Variants in LRGUK observed in about 807,000 individuals in gnomAD.
LRGUK encodes the protein leucine-rich repeat and guanylate kinase domain-containing protein.
LRGUK carries 65 observed loss-of-function variants against 76.0 expected under a neutral mutation model. That is an observed-to-expected ratio of 0.85 (90% CI 0.70 to 1.05). The LOEUF is 1.05. LRGUK is among the 50% of genes least tolerant of loss of function. The probability of loss-of-function intolerance (pLI) is 0.00; values close to 1 mark genes in which losing one functional copy is unlikely to be tolerated. For synonymous variants in LRGUK, 268 were observed against 265.6 expected, an observed-to-expected ratio of 1.01 and a Z score of -0.09; for missense variants, 758 against 732.8, an observed-to-expected ratio of 1.03 and a Z score of -0.40.
At chr7:134,163,524 A>G in exon 7 of LRGUK, 1 of 1,612,492 alleles carries the variant, frequency 6.2e-7, no homozygotes, top group South Asian at 1.1e-5. Context: ...GAAGTGATCA[A>G]CCTGGAGGAT....
chr7:134,239,738 G>A (rs986360789), intron 16 of LRGUK, among the ~76,000 whole-genome samples: 1 of 152,246 alleles, frequency 6.6e-6, no homozygotes, highest in Non-Finnish European at 1.5e-5. Flanking sequence ...TCTGAGAACA[G>A]ACAGACTGCC....
chr7:134,176,676 G>A (rs532623070), intron 8 of LRGUK, among the ~76,000 whole-genome samples: 1 of 152,032 alleles, frequency 6.6e-6, no homozygotes, highest in East Asian at 1.9e-4. Flanking sequence ...CACTTTGCCC[G>A]GCCAATTAAA....
In LRGUK at chr7:134,258,406, G is replaced by A. The variant is rs1461188793; in HGVS notation, c.2347+1G>A. 1.9e-6 allele frequency: 3 copies of A among 1,613,472 alleles called. No homozygotes were observed. Among genetic ancestry groups the A allele is most frequent in the African/African-American group, 1.3e-5 (1 of 74,882 alleles). ...AGTGAGACCGAAGAGACCCGGAAAG[G>A]TATGAGTTAGGCCAAGCGCGGTGGC... On this transcript the variant is annotated splice_donor_variant, in intron 19 of 19. Coordinates refer to the LRGUK transcript ENST00000285928. LOFTEE classifies it high-confidence loss of function.
intron 6 of LRGUK, among the ~76,000 whole-genome samples, chr7:134,160,622 A>G (rs1042497651): frequency 2.6e-5 from 4 of 152,230 alleles, no homozygotes; most frequent in African/African-American, 7.2e-5. Context: ...GTCAACTTTT[A>G]TGATAAATAT....
At chr7:134,238,829 A>G (rs1019897802) in intron 16 of LRGUK, among the ~76,000 whole-genome samples, 1 of 152,300 alleles carries the variant, frequency 6.6e-6, no homozygotes, top group South Asian at 2.1e-4. Context: ...TCAGACTTTT[A>G]GAAGGGAGCA....
the LRGUK span, among the ~76,000 whole-genome samples, chr7:134,269,934 G>A: frequency 2.6e-5 from 4 of 152,018 alleles, no homozygotes; most frequent in South Asian, 8.3e-4. Context: ...AGGAATACAG[G>A]GGACCTTCCT....
chr7:134,272,758 T>C, the LRGUK span, among the ~76,000 whole-genome samples: 1 of 152,216 alleles, frequency 6.6e-6, no homozygotes, highest in Non-Finnish European at 1.5e-5. Context: ...ACAGAATTTC[T>C]TATTAAGAGT....
intron 16 of LRGUK, among the ~76,000 whole-genome samples, chr7:134,246,570 T>C (rs1290993210): frequency 6.6e-6 from 1 of 152,252 alleles, no homozygotes; most frequent in East Asian, 1.9e-4. Context: ...CACTATCGTC[T>C]GTCCTTTCCC....
intron 3 of LRGUK, among the ~76,000 whole-genome samples, chr7:134,142,321 C>T (rs1270282837): frequency 1.3e-5 from 2 of 152,218 alleles, no homozygotes; most frequent in Admixed American, 1.3e-4. Context: ...AATTCATTCC[C>T]CTACCTCTGT....
rs1479761231 is a variant in LRGUK at position 134,183,725 on chromosome 7, G to A, written c.1215-9G>A. The stretch of plus-strand genomic sequence containing the variant: ...CAATAGGAGAACTGACTCTGGTCCT[G>A]TGTTGTAGCACTCTTCCCAGCCTGG... On this transcript the variant is annotated splice_polypyrimidine_tract_variant and intron_variant, in intron 10 of 15. Transcript: ENST00000645682. 2.5e-6 allele frequency: 4 copies of A among 1,613,780 alleles called. No individual in the cohort carries two copies. Among genetic ancestry groups the A allele is most frequent in the Non-Finnish European group, 3.4e-6 (4 of 1,179,778 alleles).
chr7:134,187,874 A>G (rs1425296218), intron 11 of LRGUK, among the ~76,000 whole-genome samples: 2 of 152,192 alleles, frequency 1.3e-5, no homozygotes, highest in East Asian at 3.8e-4. Context: ...AGCCATCTCT[A>G]TTTTCATAAG....
intron 12 of LRGUK, among the ~76,000 whole-genome samples, chr7:134,194,014 C>A (rs1011577981): frequency 1.3e-5 from 2 of 152,136 alleles, no homozygotes; most frequent in African/African-American, 4.8e-5. Context: ...GATATGAGAA[C>A]CCTTTTAATG....
At chr7:134,275,163 TAA>T in the LRGUK span, among the ~76,000 whole-genome samples, 1 of 152,176 alleles carries the variant, frequency 6.6e-6, no homozygotes, top group East Asian at 1.9e-4. Context: ...CCCACAATTA[TAA>T]GTTTAATTAG....
chr7:134,216,169 C>A (rs1406156445), intron 15 of LRGUK, among the ~76,000 whole-genome samples: 1 of 151,900 alleles, frequency 6.6e-6, no homozygotes, highest in African/African-American at 2.4e-5. Context: ...TACTGAAAAC[C>A]ACCCAGAACA....
At chr7:134,182,253 G>C (rs974273930) in intron 10 of LRGUK, among the ~76,000 whole-genome samples, 2 of 152,156 alleles carry the variant, frequency 1.3e-5, no homozygotes, top group Non-Finnish European at 2.9e-5. Flanking sequence ...CTGCTTACCT[G>C]TTGAAAGACA....
intron 12 of LRGUK, among the ~76,000 whole-genome samples, chr7:134,192,706 C>T (rs1800309089): frequency 6.6e-6 from 1 of 152,184 alleles, no homozygotes; most frequent in South Asian, 2.1e-4. Context: ...ATTTTCATCA[C>T]GACCAATGAA....
chr7:134,222,341 C>T (rs1416032102), intron 16 of LRGUK, among the ~76,000 whole-genome samples: 1 of 152,208 alleles, frequency 6.6e-6, no homozygotes, highest in Non-Finnish European at 1.5e-5. Context: ...CTTCTTAAAC[C>T]AGTCGCATCA....
chr7:134,259,567 A>C (rs1169198729), intron 19 of LRGUK, among the ~76,000 whole-genome samples: 2 of 152,174 alleles, frequency 1.3e-5, no homozygotes, highest in African/African-American at 4.8e-5. Context: ...TGTCTCCAAA[A>C]GGAAGGGATT....
intron 13 of LRGUK, among the ~76,000 whole-genome samples, chr7:134,197,317 G>C (rs185771545): frequency 6.6e-6 from 1 of 152,152 alleles, no homozygotes; most frequent in Admixed American, 6.5e-5. Context: ...CACAAGATAA[G>C]ATATTCCGTT....
Sources: allele counts gnomAD v4.1 joint callset (sites outside exome capture counted in the v4.1 genomes callset), GRCh38; gene constraint gnomAD v4.1.1; transcripts MANE v1.5; gene names NCBI Gene and HGNC (gene_info 2026-07-23, HGNC 2026-07-21).